The following GLI2 variants were observed in gnomAD, a reference collection of about 807,000 sequenced individuals.
GLI2 encodes the protein transcription activator GLI2.
A neutral mutation model predicts 78.9 loss-of-function variants in GLI2; 22 were observed. That is an observed-to-expected ratio of 0.28 (90% CI 0.20 to 0.40). The LOEUF (loss-of-function observed/expected upper bound fraction) is 0.40. GLI2 is among the 10% of genes least tolerant of loss of function. The pLI, the probability that GLI2 is intolerant of heterozygous loss-of-function variation, is 1.00. For synonymous variants in GLI2, 974 were observed against 963.7 expected (o/e 1.01, Z -0.20); for missense variants, 2,097 against 2,213.2 (o/e 0.95, Z 1.05).
At chr2:120,881,869 GGGCA>G (rs1677169899) in intron 2 of GLI2, among the ~76,000 whole-genome samples, 1 of 151,662 alleles carries the variant, frequency 6.6e-6, no homozygotes, top group African/African-American at 2.4e-5. Context: ...GTGGGAAGGA[GGGCA>G]GGTGGAGCTG....
At chr2:120,948,678 T>C (rs543595669) in intron 3 of GLI2, among the ~76,000 whole-genome samples, 51 of 152,302 alleles carry the variant, frequency 3.3e-4, no homozygotes, top group South Asian at 8.3e-4. Flanking sequence ...GGCCTCACCA[T>C]GTAGCTTGAA....
rs886054817 is a variant in GLI2 at position 120,989,561 on chromosome 2, T to A, written c.3596T>A (p.Ile1199Asn). 1.2e-6 allele frequency: 2 copies of A among 1,613,000 alleles called. No homozygotes were observed. Among genetic ancestry groups the A allele is most frequent in the Non-Finnish European group, 1.7e-6 (2 of 1,179,892 alleles). The change falls in exon 14 of 14, where the codon ATC becomes AAC. Residue 1199 changes from isoleucine (I) to asparagine (N), a missense_variant. Coordinates refer to ENST00000361492, the MANE Select transcript of GLI2 (RefSeq NM_001374353.1). The stretch of plus-strand genomic sequence containing the variant: ...CGCAGCGGAGCCCCCTCCCAGGGCA[T>A]CCCCAGGGTAAACTACATGCAGCAG... ...QPRSGAPSQGIPRVNYMQQLR... is the reference protein window; with the variant it reads ...QPRSGAPSQGNPRVNYMQQLR...
chr2:120,756,521 C>A (rs1683038418), intron 1 of GLI2, among the ~76,000 whole-genome samples: 1 of 152,160 alleles, frequency 6.6e-6, no homozygotes, highest in African/African-American at 2.4e-5. Context: ...TTGCCTTTCA[C>A]TGGCTAGAAC....
At chr2:120,825,354 T>C (rs73949933) in intron 2 of GLI2, among the ~76,000 whole-genome samples, 1 of 152,002 alleles carries the variant, frequency 6.6e-6, no homozygotes, top group African/African-American at 2.4e-5. Flanking sequence ...GAGTGTGTGC[T>C]TGGCTGTGAG....
chr2:120,752,728 T>C (rs1276239741), intron 1 of GLI2, among the ~76,000 whole-genome samples: 1 of 152,228 alleles, frequency 6.6e-6, no homozygotes, highest in African/African-American at 2.4e-5. Flanking sequence ...GTTTTTTGTG[T>C]ATCCTTCCTG....
chr2:120,883,930 C>T (rs905616785), intron 2 of GLI2, among the ~76,000 whole-genome samples: 5 of 152,132 alleles, frequency 3.3e-5, no homozygotes, highest in Admixed American at 6.6e-5. Flanking sequence ...TCCAGACCCC[C>T]GCAGCAGATG....
At chr2:120,892,818 G>C (rs967547500) in intron 2 of GLI2, among the ~76,000 whole-genome samples, 10 of 152,232 alleles carry the variant, frequency 6.6e-5, no homozygotes, top group Non-Finnish European at 4.4e-5. Flanking sequence ...CATTGTCCCT[G>C]ATTCACCACC....
chr2:120,925,798 C>T (rs566591837), intron 2 of GLI2, among the ~76,000 whole-genome samples: 3 of 152,224 alleles, frequency 2.0e-5, no homozygotes, highest in African/African-American at 7.2e-5. Context: ...ATGGGCCGGG[C>T]GTGGTGGCTC....
At chr2:120,852,008 A>G (rs1687428734) in intron 2 of GLI2, among the ~76,000 whole-genome samples, 1 of 152,156 alleles carries the variant, frequency 6.6e-6, no homozygotes, top group Non-Finnish European at 1.5e-5. Context: ...CGTCTTGGAG[A>G]AATACACCAG....
chr2:120,824,095 G>A (rs1342883752), intron 2 of GLI2, among the ~76,000 whole-genome samples: 1 of 152,162 alleles, frequency 6.6e-6, no homozygotes, highest in African/African-American at 2.4e-5. Flanking sequence ...ATATCTTGGG[G>A]GGATTCCGTT....
At chr2:120,808,863 A>G (rs1286774694) in intron 2 of GLI2, among the ~76,000 whole-genome samples, 1 of 152,088 alleles carries the variant, frequency 6.6e-6, no homozygotes, top group African/African-American at 2.4e-5. Flanking sequence ...CCTTGCCTGA[A>G]AGCACCTGAG....
intron 2 of GLI2, among the ~76,000 whole-genome samples, chr2:120,845,787 T>G (rs1687088439): frequency 6.6e-6 from 1 of 152,202 alleles, no homozygotes; most frequent in Non-Finnish European, 1.5e-5. Context: ...ATTCATTACT[T>G]ATTAGGTTCC....
intron 2 of GLI2, among the ~76,000 whole-genome samples, chr2:120,836,933 C>G (rs1686639167): frequency 6.6e-6 from 1 of 152,086 alleles, no homozygotes; most frequent in Admixed American, 6.5e-5. Context: ...GGAATTTTTT[C>G]CAGTCTAATA....
intron 1 of GLI2, among the ~76,000 whole-genome samples, chr2:120,760,716 G>C (rs1304154173): frequency 6.6e-6 from 1 of 152,158 alleles, no homozygotes; most frequent in Admixed American, 6.5e-5. Context: ...CTCAGGCCTC[G>C]TCTCTGTCTC....
chr2:120,770,243 C>A (rs1187744663), intron 1 of GLI2, among the ~76,000 whole-genome samples: 1 of 152,208 alleles, frequency 6.6e-6, no homozygotes, highest in African/African-American at 2.4e-5. Context: ...CTTTCCATCC[C>A]CCACCCCCAG....
intron 1 of GLI2, among the ~76,000 whole-genome samples, chr2:120,742,334 T>C (rs1314240516): frequency 1.3e-5 from 2 of 152,128 alleles, no homozygotes; most frequent in African/African-American, 4.8e-5. Context: ...GGGTCCAAGA[T>C]AGCCCCTTCA....
chr2:120,860,259 C>G (rs924053824), intron 2 of GLI2, among the ~76,000 whole-genome samples: 4 of 152,154 alleles, frequency 2.6e-5, no homozygotes, highest in Non-Finnish European at 5.9e-5. Flanking sequence ...GCGGTCAGTA[C>G]CACAGCGTGC....
chr2:120,743,204 A>G (rs562238969), intron 1 of GLI2, among the ~76,000 whole-genome samples: 3 of 152,192 alleles, frequency 2.0e-5, no homozygotes, highest in Non-Finnish European at 4.4e-5. Context: ...GGACCAAGGA[A>G]GGCTTCCCAT....
At position 120,875,632 on chromosome 2, in the gene GLI2, T is replaced by C. The variant is rs13392049; in HGVS notation, c.149-51729T>C. 4.3e-3 allele frequency among the ~76,000 whole-genome samples: 656 copies of C among 152,320 alleles called. 6 individuals carry two copies. The highest frequency in any genetic ancestry group is 0.015 in the African/African-American group (608 of 41,562). ...GCCAGGCTTCTGCAGACAGTATTCCTCTTCTTCGCCTCAGGACACCCTTGC... is the reference window on the plus strand; with the variant it reads ...GCCAGGCTTCTGCAGACAGTATTCCCCTTCTTCGCCTCAGGACACCCTTGC... On this transcript the variant is annotated intron_variant, in intron 2 of 13. Transcript: ENST00000361492.
Sources: gnomAD v4.1 joint callset for allele counts (sites outside exome capture counted in the v4.1 genomes callset) on GRCh38, gnomAD v4.1.1 for gene constraint, MANE v1.5 for transcripts, NCBI Gene and HGNC (gene_info 2026-07-23, HGNC 2026-07-21) for gene names.